The following PPTC7 variants were observed in gnomAD, a reference collection of about 807,000 sequenced individuals.
PPTC7 encodes protein phosphatase targeting COQ7, also known as protein phosphatase PTC7 homolog.
In PPTC7, 6 loss-of-function variants were observed where a neutral mutation model predicts 30.8. The observed-to-expected ratio is 0.19, with a 90% CI of 0.11 to 0.38. The LOEUF is 0.38. Ranked by LOEUF, PPTC7 falls within the 10% of genes least tolerant of loss-of-function variation. The pLI is 1.00. For missense variants in PPTC7, 218 were observed against 404.8 expected (o/e 0.54, Z 3.96); for synonymous variants, 163 against 168.1 (o/e 0.97, Z 0.23).
At chr12:110,548,902 C>T (rs1051791651) in intron 2 of PPTC7, among the ~76,000 whole-genome samples, 5 of 152,098 alleles carry the variant, frequency 3.3e-5, no homozygotes. Context: ...GATGTGTGCA[C>T]GTGGCTCAGG....
chr12:110,560,415 T>A (rs1382930266), intron 1 of PPTC7, among the ~76,000 whole-genome samples: 32 of 148,788 alleles, frequency 2.2e-4, no homozygotes, highest in African/African-American at 7.5e-4. Flanking sequence ...AAATAAAAAA[T>A]AAAAAAAGGT....
At chr12:110,568,920 CAGA>C (rs1482456926) in intron 1 of PPTC7, among the ~76,000 whole-genome samples, 3 of 152,100 alleles carry the variant, frequency 2.0e-5, no homozygotes, top group Admixed American at 6.6e-5. Context: ...GAGGCTGAGG[CAGA>C]AGGATGGCTT....
chr12:110,538,206 T>C lies in PPTC7; in HGVS notation c.794A>G (p.Tyr265Cys). 3 of 1,614,218 alleles carry C rather than the reference T, an allele frequency of 1.9e-6. No homozygotes were observed. The highest frequency in any genetic ancestry group is 2.5e-6 in the Non-Finnish European group (3 of 1,179,998). ...AAAAGGTGACATATAATTTGGGTCA[T>C]AGGCCAGCTCATGAGCTTGCTCAGC... ...SIAEQAHELAYDPNYMSPFAQ... is the reference protein window; with the variant it reads ...SIAEQAHELACDPNYMSPFAQ... Residue 265 changes from tyrosine (Y) to cysteine (C), a missense_variant, in exon 5 of 6, where the codon TAT becomes TGT. Physicochemically the swap from Tyr to Cys is radical, Grantham distance 194. Transcript: ENST00000354300.
chr12:110,581,634 T>C (rs2064638037), intron 1 of PPTC7, among the ~76,000 whole-genome samples: 1 of 152,200 alleles, frequency 6.6e-6, no homozygotes, highest in Non-Finnish European at 1.5e-5. Flanking sequence ...CATTCATAAA[T>C]TAAACTGAGA....
At chr12:110,543,662 G>C (rs2064282445) in intron 3 of PPTC7, among the ~76,000 whole-genome samples, 1 of 152,136 alleles carries the variant, frequency 6.6e-6, no homozygotes, top group East Asian at 1.9e-4. Context: ...TGAGAGTCTT[G>C]CTCCCATTGG....
At chr12:110,551,259 A>G (rs1364368062) in intron 2 of PPTC7, among the ~76,000 whole-genome samples, 1 of 152,328 alleles carries the variant, frequency 6.6e-6, no homozygotes, top group East Asian at 1.9e-4. Context: ...CTATATGTTC[A>G]TATTTAATAC....
intron 1 of PPTC7, among the ~76,000 whole-genome samples, chr12:110,579,657 A>C (rs2064619855): frequency 6.6e-6 from 1 of 152,208 alleles, no homozygotes; most frequent in Non-Finnish European, 1.5e-5. Flanking sequence ...GAATCTACTG[A>C]AGGTGCCCGT....
intron 1 of PPTC7, among the ~76,000 whole-genome samples, chr12:110,552,441 G>A (rs933850498): frequency 1.3e-5 from 2 of 152,150 alleles, no homozygotes; most frequent in African/African-American, 2.4e-5. Flanking sequence ...GAACAAAACT[G>A]AGAACATATC....
intron 1 of PPTC7, among the ~76,000 whole-genome samples, chr12:110,573,921 C>T (rs1200166027): frequency 1.3e-5 from 2 of 151,790 alleles, no homozygotes; most frequent in African/African-American, 2.4e-5. Flanking sequence ...GCGGAGGTTA[C>T]GGTGAGCCGA....
chr12:110,579,976 G>A (rs1357682736), intron 1 of PPTC7, among the ~76,000 whole-genome samples: 1 of 151,658 alleles, frequency 6.6e-6, no homozygotes, highest in Non-Finnish European at 1.5e-5. Context: ...TGGCGCCATT[G>A]CACTCCAGCC....
chr12:110,564,245 G>C (rs1033391357), intron 1 of PPTC7, among the ~76,000 whole-genome samples: 2 of 152,200 alleles, frequency 1.3e-5, no homozygotes, highest in Non-Finnish European at 2.9e-5. Context: ...CATACTTATT[G>C]TAAGTTATGA....
chr12:110,538,748 T>G (rs2064236376), intron 4 of PPTC7, among the ~76,000 whole-genome samples: 1 of 152,098 alleles, frequency 6.6e-6, no homozygotes, highest in South Asian at 2.1e-4. Context: ...CTGCTCCAAC[T>G]TCCTCATCTG....
intron 1 of PPTC7, among the ~76,000 whole-genome samples, chr12:110,579,523 T>C (rs896397384): frequency 1.3e-5 from 2 of 152,116 alleles, no homozygotes; most frequent in Non-Finnish European, 2.9e-5. Flanking sequence ...AGAGGAGTCA[T>C]GGAGTCAGCA....
At chr12:110,545,403 AT>A (rs972094425) in intron 3 of PPTC7, among the ~76,000 whole-genome samples, 6 of 152,198 alleles carry the variant, frequency 3.9e-5, no homozygotes, top group South Asian at 2.1e-4. Flanking sequence ...ACTTAAGACC[AT>A]TTTGACTCCA....
intron 1 of PPTC7, 44 bp downstream of exon 1, chr12:110,582,765 G>A (rs1233701573): frequency 1.4e-6 from 2 of 1,472,836 alleles, no homozygotes; most frequent in East Asian, 2.6e-5. Flanking sequence ...GTCCCCGGGA[G>A]GCGGATCCGA....
At chr12:110,546,361 G>A in intron 2 of PPTC7, 1 of 408,594 alleles carries the variant, frequency 2.4e-6, no homozygotes, top group Non-Finnish European at 4.5e-6. Context: ...AAAATGACTG[G>A]TATTTAATCA....
At chr12:110,551,039 C>A (rs2064346434) in intron 2 of PPTC7, among the ~76,000 whole-genome samples, 1 of 152,324 alleles carries the variant, frequency 6.6e-6, no homozygotes, top group East Asian at 1.9e-4. Context: ...CTCTTCCCTT[C>A]ACAACATGTT....
chr12:110,581,695 G>C (rs541936697), intron 1 of PPTC7, among the ~76,000 whole-genome samples: 2 of 152,172 alleles, frequency 1.3e-5, no homozygotes, highest in Admixed American at 6.5e-5. Context: ...TAGAACCAAA[G>C]ATACTAGGCA....
chr12:110,545,237 C>A (rs902105881), intron 3 of PPTC7, among the ~76,000 whole-genome samples: 1 of 152,106 alleles, frequency 6.6e-6, no homozygotes. Context: ...GGACTACAGG[C>A]GCCCGCCATC....
Sources: allele counts gnomAD v4.1 joint callset (sites outside exome capture counted in the v4.1 genomes callset), GRCh38; gene constraint gnomAD v4.1.1; transcripts MANE v1.5; gene names NCBI Gene and HGNC (gene_info 2026-07-23, HGNC 2026-07-21).